The following TMEM41B variants were observed in gnomAD, a reference collection of about 807,000 sequenced individuals.
The protein encoded by TMEM41B is protein stasimon.
TMEM41B carries 18 observed loss-of-function variants against 31.9 expected under a neutral mutation model. The observed-to-expected ratio is 0.56, with a 90% CI of 0.39 to 0.84. TMEM41B has a LOEUF of 0.84. TMEM41B is among the 40% of genes least tolerant of loss of function. The probability of loss-of-function intolerance (pLI) is 0.00; values close to 1 mark genes in which losing one functional copy is unlikely to be tolerated. For synonymous variants in TMEM41B, 144 were observed against 124.3 expected, an observed-to-expected ratio of 1.16 and a Z score of -1.05; for missense variants, 322 against 348.0, an observed-to-expected ratio of 0.93 and a Z score of 0.59.
intron 2 of TMEM41B, among the ~76,000 whole-genome samples, chr11:9,298,754 A>G (rs1853162836): frequency 6.8e-6 from 1 of 147,900 alleles, no homozygotes; most frequent in African/African-American, 2.5e-5. Flanking sequence ...TGGGCGATAG[A>G]GTGAAACTAT....
chr11:9,295,281 C>T lies in TMEM41B; in HGVS notation c.346G>A (p.Ala116Thr), dbSNP rs753346538. 4.3e-5 allele frequency: 67 copies of T among 1,575,726 alleles called. 1 individual carries two copies. The South Asian group carries it at 7.5e-4, about 18-fold the overall frequency. The change falls in exon 3 of 7, where the codon GCT (alanine) becomes ACT (threonine). Residue 116 changes from alanine to threonine, a missense_variant. This residue lies in a region of TMEM41B where 183 missense variants were observed against 175.3 expected (regional missense o/e 1.04). Transcript: ENST00000528080. ...TACAAAATATATGTAGCAAAATAAG[C>T]TACAAGTACTTGAACATAAAAGGTG... is the stretch of plus-strand genomic sequence containing the variant. The part of the protein sequence containing the change: ...KDTFYVQVLV[A>T]YFATYIFLQT...
intron 1 of TMEM41B, among the ~76,000 whole-genome samples, chr11:9,306,257 G>A (rs61875692): frequency 0.15 from 22,152 of 151,646 alleles, 2,291 homozygotes; most frequent in African/African-American, 0.28. Context: ...AGGATTACAG[G>A]CGGGAGCCAC....
chr11:9,288,295 A>T, intron 4 of TMEM41B, 147 bp downstream of exon 4: 1 of 578,514 alleles, frequency 1.7e-6, no homozygotes, highest in Admixed American at 3.7e-5. Context: ...AACAAATTAT[A>T]ACACCTCCTT....
intron 2 of TMEM41B, among the ~76,000 whole-genome samples, chr11:9,299,227 G>A (rs1388163117): frequency 1.4e-5 from 2 of 139,844 alleles, no homozygotes; most frequent in East Asian, 2.2e-4. Flanking sequence ...CTTATACAGT[G>A]AGCTGAGATC....
chr11:9,304,081 T>C (rs1271762534), intron 1 of TMEM41B, among the ~76,000 whole-genome samples: 2 of 152,240 alleles, frequency 1.3e-5, no homozygotes, highest in South Asian at 2.1e-4. Flanking sequence ...GATAATAATA[T>C]AGTACAAAGG....
intron 6 of TMEM41B, among the ~76,000 whole-genome samples, chr11:9,284,600 T>C (rs1852794347): frequency 6.6e-6 from 1 of 151,842 alleles, no homozygotes; most frequent in African/African-American, 2.4e-5. Flanking sequence ...CCATCTCTAC[T>C]AAAAATACAA....
intron 1 of TMEM41B, among the ~76,000 whole-genome samples, chr11:9,304,256 G>C (rs1853326912): frequency 6.6e-6 from 1 of 152,070 alleles, no homozygotes; most frequent in Non-Finnish European, 1.5e-5. Context: ...GCAGAATCTT[G>C]TAATAACAAA....
intron 6 of TMEM41B, among the ~76,000 whole-genome samples, chr11:9,285,090 T>TTC (rs1399336049): frequency 1.4e-5 from 2 of 145,848 alleles, no homozygotes; most frequent in African/African-American, 5.0e-5. Context: ...CCTTCTTTCT[T>TTC]TTTTTTTTTT....
Position 9,288,536 on chromosome 11 carries a change from C to A in TMEM41B, c.369-1G>T. ...GCCTGGAATAGCAAATGTTTGCAAGCTGGTAACTTTTAAGTTAAGGATTAG... is the reference window on the plus strand; with the variant it reads ...GCCTGGAATAGCAAATGTTTGCAAGATGGTAACTTTTAAGTTAAGGATTAG... On this transcript the variant is annotated splice_acceptor_variant, in intron 3 of 6. Transcript: ENST00000528080. LOFTEE classifies it high-confidence loss of function. The A allele has an allele frequency of 6.4e-7, 1 of 1,563,924 alleles. No homozygotes were observed. The highest frequency in any genetic ancestry group is 8.6e-7 in the Non-Finnish European group (1 of 1,159,064).
intron 1 of TMEM41B, among the ~76,000 whole-genome samples, chr11:9,310,796 G>A (rs1140289): frequency 7.3e-5 from 11 of 151,446 alleles, no homozygotes; most frequent in Non-Finnish European, 1.2e-4. Flanking sequence ...AAAGCTCATC[G>A]ACCAAACAGA....
Position 9,314,589 on chromosome 11 carries a change from A to C in TMEM41B, c.-148T>G. The C allele has an allele frequency of 8.8e-7, 1 of 1,136,366 alleles. No homozygotes were observed. The highest frequency in any genetic ancestry group is 1.2e-6 in the Non-Finnish European group (1 of 832,078). 70.4% of individuals were successfully genotyped at this position (1,136,366 alleles called of 1,614,324 possible). A position where few individuals can be genotyped will look rare whatever the true frequency, so the allele number is the denominator to read the frequency against. ...CCGAGACGACCTCAGCCCAGCGAGTACTGCAACCTCCTGCAAACACCCGCA... is the reference window on the plus strand; with the variant it reads ...CCGAGACGACCTCAGCCCAGCGAGTCCTGCAACCTCCTGCAAACACCCGCA... On this transcript the variant is annotated 5_prime_UTR_variant, in exon 1 of 7. Coordinates refer to ENST00000528080, the MANE Select transcript of TMEM41B (RefSeq NM_015012.4).
At position 9,281,422 on chromosome 11, in the gene TMEM41B, A is replaced by G. The variant is rs534411863; in HGVS notation, c.*2002T>C. On this transcript the variant is annotated 3_prime_UTR_variant, in exon 7 of 7. Transcript: ENST00000528080. ...TAATCAATATGTTTTCTTTGTATTT[A>G]CAATAAAATCCATCTGTTAACACTG... 6.6e-5 allele frequency: 10 copies of G among 152,366 alleles called. No homozygotes were observed. The East Asian group carries it at 1.7e-3, about 26-fold the overall frequency. 9.4% of individuals were successfully genotyped at this position (152,366 alleles called of 1,614,324 possible). A position where few individuals can be genotyped will look rare whatever the true frequency, so the allele number is the denominator to read the frequency against.
Position 9,299,694 on chromosome 11 carries a change from G to A in TMEM41B, c.129C>T (p.Ser43=), listed in dbSNP as rs772541243. The change falls in exon 2 of 7, where the codon TCC becomes TCT. Residue 43 remains serine (S), a synonymous_variant. Coordinates refer to ENST00000528080, the MANE Select transcript of TMEM41B (RefSeq NM_015012.4). The part of the protein sequence containing the change: ...PGSRDHQKEK[S]WVEAGSARMS... ...TTCTTGCTGATCCAGCTTCTACCCA[G>A]GATTTTTCTGGAAGAAAAAAGAAAG... 2 of 1,596,830 alleles carry A rather than the reference G, an allele frequency of 1.3e-6. No individual in the cohort carries two copies. The highest frequency in any genetic ancestry group is 2.7e-5 in the African/African-American group (2 of 73,740).
intron 6 of TMEM41B, among the ~76,000 whole-genome samples, chr11:9,285,499 C>T (rs951446638): frequency 6.6e-6 from 1 of 152,144 alleles, no homozygotes; most frequent in Non-Finnish European, 1.5e-5. Flanking sequence ...GAAATCTGCT[C>T]GTATTTTTGA....
intron 2 of TMEM41B, among the ~76,000 whole-genome samples, chr11:9,298,357 A>G (rs1853151176): frequency 6.6e-6 from 1 of 151,292 alleles, no homozygotes; most frequent in South Asian, 2.1e-4. Flanking sequence ...TACTCGTGAG[A>G]CTGAGGCAGG....
chr11:9,313,885 G>A (rs747050567), intron 1 of TMEM41B, among the ~76,000 whole-genome samples: 3 of 152,058 alleles, frequency 2.0e-5, no homozygotes, highest in Non-Finnish European at 4.4e-5. Flanking sequence ...ACTGCCACCT[G>A]GAAGTATTAA....
At chr11:9,311,667 T>G in intron 1 of TMEM41B, 2 of 814,934 alleles carry the variant, frequency 2.5e-6, no homozygotes, top group East Asian at 4.9e-5. Flanking sequence ...TGGCCCTGGC[T>G]GCCTGGCACT....
At chr11:9,296,915 CTTTT>C (rs925977348) in intron 2 of TMEM41B, among the ~76,000 whole-genome samples, 3 of 151,302 alleles carry the variant, frequency 2.0e-5, no homozygotes, top group Admixed American at 1.3e-4. Context: ...ATGATCATTT[CTTTT>C]TTTTTGTTTG....
intron 2 of TMEM41B, among the ~76,000 whole-genome samples, chr11:9,296,921 T>TG (rs1853105291): frequency 6.6e-6 from 1 of 151,998 alleles, no homozygotes. Flanking sequence ...ATTTCTTTTT[T>TG]TTTGTTTGTT....
Sources: allele counts gnomAD v4.1 joint callset (sites outside exome capture counted in the v4.1 genomes callset), GRCh38; gene constraint gnomAD v4.1.1; regional missense constraint gnomAD v4.1.1; transcripts MANE v1.5; gene names NCBI Gene and HGNC (gene_info 2026-07-23, HGNC 2026-07-21).